The following CYBA variants were observed in gnomAD, a reference collection of about 807,000 sequenced individuals.
CYBA encodes cytochrome b-245 alpha chain, also known as cytochrome b-245 light chain.
CYBA carries 21 observed loss-of-function variants against 20.8 expected under a neutral mutation model. The observed-to-expected ratio is 1.01, with a 90% CI of 0.72 to 1.46. The LOEUF (loss-of-function observed/expected upper bound fraction) is 1.46. Among genes scored for constraint, CYBA ranks in the 40% most tolerant of loss-of-function variants. The pLI is 0.00. For missense variants in CYBA, 344 were observed against 287.0 expected, an observed-to-expected ratio of 1.20 and a Z score of -1.43; for synonymous variants, 164 against 127.5, an observed-to-expected ratio of 1.29 and a Z score of -1.93.
intron 1 of CYBA, among the ~76,000 whole-genome samples, chr16:88,649,155 T>C (rs1214674065): frequency 6.6e-6 from 1 of 151,998 alleles, no homozygotes; most frequent in African/African-American, 2.4e-5. Context: ...GCCAGGATGG[T>C]CTCGATCTCC....
Position 88,643,433 on chromosome 16 carries a change from C to T in CYBA, c.508G>A (p.Glu170Lys). ...CCCCCCGCCGCCACCGCAGCCTCCTCCTCGCTGGGCTTCTTGCGGGCCTCG... is the reference window on the plus strand; with the variant it reads ...CCCCCCGCCGCCACCGCAGCCTCCTTCTCGCTGGGCTTCTTGCGGGCCTCG... Reference protein sequence around the residue: ...PAEARKKPSEEEAAVAAGGPP... With the variant: ...PAEARKKPSEKEAAVAAGGPP... Residue 170 changes from glutamate to lysine, a missense_variant, in exon 6 of 6, where the codon GAG becomes AAG. Glu to Lys is a moderately conservative substitution (Grantham distance 56, BLOSUM62 1). Coordinates refer to ENST00000261623, the MANE Select transcript of CYBA (RefSeq NM_000101.4). This position sits in a 1 kb window ranked among gnomAD's most constrained non-coding sequence, Gnocchi z 4.3. The T allele has an allele frequency of 6.5e-7, 1 of 1,535,174 alleles. No individual in the cohort carries two copies. The highest frequency in any genetic ancestry group is 2.5e-5 in the East Asian group (1 of 40,288).
At chr16:88,644,042 G>A (rs371077972) in intron 5 of CYBA, among the ~76,000 whole-genome samples, 1 of 152,220 alleles carries the variant, frequency 6.6e-6, no homozygotes, top group African/African-American at 2.4e-5. Flanking sequence ...GGGGTGGTGG[G>A]GGGAGAGCTT....
chr16:88,647,763 C>T, intron 2 of CYBA: 1 of 542,946 alleles, frequency 1.8e-6, no homozygotes. Context: ...GGGATCCCAG[C>T]AGTCCAACAG....
chr16:88,650,082 C>T (rs140330417), intron 1 of CYBA, among the ~76,000 whole-genome samples: 9 of 152,330 alleles, frequency 5.9e-5, no homozygotes, highest in African/African-American at 1.9e-4. Flanking sequence ...CACGCACCCT[C>T]CAGACAACAG....
chr16:88,644,238 G>T (rs1401116917), intron 5 of CYBA, among the ~76,000 whole-genome samples: 1 of 152,212 alleles, frequency 6.6e-6, no homozygotes, highest in Non-Finnish European at 1.5e-5. Flanking sequence ...CTGGACATGT[G>T]TGATCCTACC....
At chr16:88,650,127 G>A (rs1907452068) in intron 1 of CYBA, 2 of 323,138 alleles carry the variant, frequency 6.2e-6, no homozygotes, top group Non-Finnish European at 1.3e-5. Flanking sequence ...AGTGGTGGCA[G>A]CGGGCCCCTC....
Position 88,643,308 on chromosome 16 carries a change from A to C in CYBA, c.*45T>G. The C allele has an allele frequency of 7.3e-7, 1 of 1,369,114 alleles. No individual in the cohort carries two copies. Among genetic ancestry groups the C allele is most frequent in the Non-Finnish European group, 9.7e-7 (1 of 1,025,824 alleles). The allele number at this position is 1,369,114 out of a possible 1,614,324, so 84.8% of individuals were successfully genotyped here. A position where few individuals can be genotyped will look rare whatever the true frequency, so the allele number is the denominator to read the frequency against. On this transcript the variant is annotated 3_prime_UTR_variant, in exon 6 of 6. Coordinates refer to ENST00000261623, the MANE Select transcript of CYBA (RefSeq NM_000101.4). The surrounding 1 kb of genome is among the most constrained non-coding windows in gnomAD (Gnocchi z 4.3). ...ACGCGCTCCCGGCTTCGCTGCATTTATTGCAGGTGGGTGCACCTGGCGGGA... is the reference window on the plus strand; with the variant it reads ...ACGCGCTCCCGGCTTCGCTGCATTTCTTGCAGGTGGGTGCACCTGGCGGGA...
rs1597371632 is a variant in CYBA, at chr16:88,645,610, T to C, written c.369+506A>G. 8.3e-6 allele frequency: 5 copies of C among 605,136 alleles called. No homozygotes were observed. In the East Asian group the frequency reaches 1.4e-4, roughly 17 times the overall value. The allele number at this position is 605,136 out of a possible 1,614,324, so 37.5% of individuals were successfully genotyped here. A position where few individuals can be genotyped will look rare whatever the true frequency, so the allele number is the denominator to read the frequency against. On this transcript the variant is annotated intron_variant, in intron 5 of 5. Coordinates refer to ENST00000261623, the MANE Select transcript of CYBA (RefSeq NM_000101.4). ...ACCCATCCCTGGCCTCTCAGAGAGA[T>C]CACTGTATCCCATGGGATGGGCAGC...
chr16:88,648,008 C>A (rs778297984), intron 2 of CYBA, 37 bp downstream of exon 2: 3 of 1,588,856 alleles, frequency 1.9e-6, no homozygotes, highest in East Asian at 4.5e-5. Flanking sequence ...CTGCCCTGGG[C>A]GTTCCCCGCC....
intron 5 of CYBA, among the ~76,000 whole-genome samples, chr16:88,644,195 T>A (rs772287813): frequency 5.3e-5 from 8 of 152,202 alleles, no homozygotes; most frequent in Non-Finnish European, 8.8e-5. Context: ...GAAAAATATG[T>A]CACATCATAT....
At chr16:88,647,300 G>T in intron 2 of CYBA, 125 bp from the exon 3 acceptor site, 1 of 894,946 alleles carries the variant, frequency 1.1e-6, no homozygotes, top group South Asian at 1.4e-5. Context: ...CCAGCATTTT[G>T]GGAGGCTGAG....
rs963770496 is a variant in CYBA, at chr16:88,646,494, A to G, written c.287+261T>C. On this transcript the variant is annotated intron_variant, in intron 4 of 5. Coordinates refer to ENST00000261623, the MANE Select transcript of CYBA (RefSeq NM_000101.4). Reference sequence around the variant, plus strand: ...CTCCACCCTACCAGGAAGCCCAGGCAAGACCCCCCAGCAGTGCATGCTGAC... The same window carrying G: ...CTCCACCCTACCAGGAAGCCCAGGCGAGACCCCCCAGCAGTGCATGCTGAC... The G allele has an allele frequency of 4.3e-6, 3 of 697,800 alleles. No individual in the cohort carries two copies. The African/African-American group carries it at 5.2e-5, about 12-fold the overall frequency. The allele number at this position is 697,800 out of a possible 1,614,324, so 43.2% of individuals were successfully genotyped here.
At chr16:88,650,080 C>A (rs1190112060) in intron 1 of CYBA, among the ~76,000 whole-genome samples, 1 of 152,196 alleles carries the variant, frequency 6.6e-6, no homozygotes, top group African/African-American at 2.4e-5. Flanking sequence ...GCCACGCACC[C>A]TCCAGACAAC....
At chr16:88,648,647 T>C (rs959974694) in intron 1 of CYBA, among the ~76,000 whole-genome samples, 9 of 151,516 alleles carry the variant, frequency 5.9e-5, no homozygotes, top group Admixed American at 5.3e-4. Context: ...AGACGGAGTC[T>C]TGCTCTGTCA....
rs1356226217 is a variant in CYBA, at chr16:88,648,127, G to T, written c.59-13C>A. ...CCGGTGATGAGGACTGCGGGGAGAA[G>T]TGGGTCAGGCACTGTGGGGCTCCCG... On this transcript the variant is annotated splice_polypyrimidine_tract_variant and intron_variant, in intron 1 of 5. Coordinates refer to ENST00000261623, the MANE Select transcript of CYBA (RefSeq NM_000101.4). 1.2e-6 allele frequency: 2 copies of T among 1,608,478 alleles called. No homozygotes were observed. The highest frequency in any genetic ancestry group is 1.7e-6 in the Non-Finnish European group (2 of 1,178,534).
At position 88,647,176 on chromosome 16, in the gene CYBA, C is replaced by A. The variant is rs1445023836; in HGVS notation, c.129-1G>T. ...CAGGCACACAAACACGCCCGCCACA[C>A]TGAAGCCATGTGGTTAAGGAACAGC... On this transcript the variant is annotated splice_acceptor_variant, in intron 2 of 5. Coordinates refer to ENST00000261623, the MANE Select transcript of CYBA (RefSeq NM_000101.4). LOFTEE classifies it high-confidence loss of function. The A allele has an allele frequency of 3.1e-6, 5 of 1,612,138 alleles. No homozygotes were observed. The highest frequency in any genetic ancestry group is 4.2e-6 in the Non-Finnish European group (5 of 1,179,872).
chr16:88,645,403 G>A (rs1301981832), intron 5 of CYBA: 1 of 702,426 alleles, frequency 1.4e-6, no homozygotes, highest in African/African-American at 1.7e-5. Flanking sequence ...GAGGGCAGTT[G>A]CCTCTGCGGG....
Position 88,651,034 on chromosome 16 carries a change from G to A in CYBA, c.-21C>T, listed in dbSNP as rs1246196449. The A allele has an allele frequency of 6.3e-7, 1 of 1,585,394 alleles. No homozygotes were observed. Among genetic ancestry groups the A allele is most frequent in the African/African-American group, 1.3e-5 (1 of 74,250 alleles). ...CCCATGGCGACACGAACCCGGCTGG[G>A]ACACTGCTAGGCGCGCACTGCCGCC... is the stretch of plus-strand genomic sequence containing the variant. On this transcript the variant is annotated 5_prime_UTR_variant, in exon 1 of 6. Coordinates refer to ENST00000261623, the MANE Select transcript of CYBA (RefSeq NM_000101.4).
chr16:88,648,412 G>A (rs1907369478), intron 1 of CYBA, among the ~76,000 whole-genome samples: 2 of 149,998 alleles, frequency 1.3e-5, no homozygotes, highest in African/African-American at 4.9e-5. Flanking sequence ...CCCCCAAATG[G>A]ACCCCCTTGT....
Sources: allele counts gnomAD v4.1 joint callset (sites outside exome capture counted in the v4.1 genomes callset), GRCh38; gene constraint gnomAD v4.1.1; non-coding constraint Gnocchi (gnomAD v3.1); transcripts MANE v1.5; gene names NCBI Gene and HGNC (gene_info 2026-07-23, HGNC 2026-07-21).